The following CSK variants were observed in gnomAD, a reference collection of about 807,000 sequenced individuals.
The protein encoded by CSK is C-terminal Src kinase, also known as tyrosine-protein kinase CSK.
In CSK, 7 loss-of-function variants were observed where a neutral mutation model predicts 62.3. That is an observed-to-expected ratio of 0.11 (90% CI 0.06 to 0.21). The LOEUF is 0.21. Among genes scored for constraint, CSK ranks in the 10% least tolerant of loss-of-function variants. The pLI is 1.00. For missense variants in CSK, 294 were observed against 613.5 expected, an observed-to-expected ratio of 0.48 and a Z score of 5.50; for synonymous variants, 237 against 246.0, an observed-to-expected ratio of 0.96 and a Z score of 0.34.
chr15:74,797,194 C>T (rs752933200), intron 1 of CSK, among the ~76,000 whole-genome samples: 3 of 152,176 alleles, frequency 2.0e-5, no homozygotes, highest in Non-Finnish European at 4.4e-5. Flanking sequence ...ATCTGTCTGC[C>T]TCAGCTTCCC....
chr15:74,802,984 A>G lies in CSK; in HGVS notation c.*471A>G, dbSNP rs1006622876. The stretch of plus-strand genomic sequence containing the variant: ...TCTAGGGACCCCTCGCCCCAGCCTC[A>G]TTCCCCATTCTGTGTCCCATGTCCC... On this transcript the variant is annotated 3_prime_UTR_variant, in exon 13 of 13. Transcript: ENST00000220003. 5.5e-5 allele frequency: 9 copies of G among 164,318 alleles called. No individual in the cohort carries two copies. Among genetic ancestry groups the G allele is most frequent in the African/African-American group, 2.2e-4 (9 of 41,434 alleles). The allele number at this position is 164,318 out of a possible 1,614,324, so 10.2% of individuals were successfully genotyped here.
At chr15:74,787,517 C>T (rs2063541933) in intron 1 of CSK, among the ~76,000 whole-genome samples, 1 of 152,158 alleles carries the variant, frequency 6.6e-6, no homozygotes, top group Admixed American at 6.5e-5. Flanking sequence ...TGAGAGCTCC[C>T]CTCAGCAGGC....
intron 8 of CSK, 31 bp from the exon 9 acceptor site, chr15:74,800,981 C>T (rs1441332665): frequency 6.2e-7 from 1 of 1,612,914 alleles, no homozygotes; most frequent in East Asian, 2.2e-5. Context: ...GCACCAGCTT[C>T]CCCTTTCTGA....
chr15:74,800,351 G>C, intron 5 of CSK, 61 bp from the exon 6 acceptor site: 1 of 1,486,828 alleles, frequency 6.7e-7, no homozygotes, highest in Non-Finnish European at 9.3e-7. Flanking sequence ...GGTCAGGCCT[G>C]GACGGTGCAT....
Position 74,802,867 on chromosome 15 carries a change from A to G in CSK, c.*354A>G. On this transcript the variant is annotated 3_prime_UTR_variant, in exon 13 of 13. Coordinates refer to ENST00000220003, the MANE Select transcript of CSK (RefSeq NM_004383.3). ...TTTTATTATTTTTCAAGATAAGGAG[A>G]AAGAAAGTACCCAGCAAATGGGCAT... 1 of 219,332 alleles carries G rather than the reference A, an allele frequency of 4.6e-6. No homozygotes were observed. The highest frequency in any genetic ancestry group is 2.3e-5 in the African/African-American group (1 of 42,808). The allele number at this position is 219,332 out of a possible 1,614,324, so 13.6% of individuals were successfully genotyped here. A position where few individuals can be genotyped will look rare whatever the true frequency, so the allele number is the denominator to read the frequency against.
chr15:74,783,088 C>A (rs942771718), intron 1 of CSK, among the ~76,000 whole-genome samples: 1 of 152,200 alleles, frequency 6.6e-6, no homozygotes, highest in African/African-American at 2.4e-5. Context: ...TGTACAGGGC[C>A]TCCCCGCAGG....
At chr15:74,800,767 T>TGG in intron 7 of CSK, 21 bp downstream of exon 7, 1 of 1,584,142 alleles carries the variant, frequency 6.3e-7, no homozygotes. Context: ...CCGGGCCCCC[T>TGG]GGGGGGGTTC....
chr15:74,783,391 G>A (rs2063467585), intron 1 of CSK, among the ~76,000 whole-genome samples: 1 of 152,204 alleles, frequency 6.6e-6, no homozygotes, highest in African/African-American at 2.4e-5. Context: ...CCCAGACCAG[G>A]TGTCAGGAAG....
intron 5 of CSK, among the ~76,000 whole-genome samples, chr15:74,800,100 G>C (rs1432875063): frequency 6.6e-6 from 1 of 152,188 alleles, no homozygotes; most frequent in Non-Finnish European, 1.5e-5. Flanking sequence ...GGGGTCCTGG[G>C]CACTCCTGGC....
chr15:74,801,420 A>C (rs1279660234), intron 9 of CSK, 102 bp from the exon 10 acceptor site: 8 of 1,172,246 alleles, frequency 6.8e-6, no homozygotes, highest in Non-Finnish European at 9.7e-6. Context: ...TCCCTGTCTC[A>C]CACCTCCCTG....
In CSK at chr15:74,802,595, C is replaced by G. The variant is rs373614898; in HGVS notation, c.*82C>G. The G allele has an allele frequency of 1.5e-4, 233 of 1,531,916 alleles. No individual in the cohort carries two copies. Among genetic ancestry groups the G allele is most frequent in the Non-Finnish European group, 1.9e-4 (219 of 1,137,478 alleles). The allele number at this position is 1,531,916 out of a possible 1,614,324, so 94.9% of individuals were successfully genotyped here. A position where few individuals can be genotyped will look rare whatever the true frequency, so the allele number is the denominator to read the frequency against. On this transcript the variant is annotated 3_prime_UTR_variant, in exon 13 of 13. Coordinates refer to ENST00000220003, the MANE Select transcript of CSK (RefSeq NM_004383.3). ...ACCTGGTGCCCCTGCTCACTGGGCCCGAGCCTGAACTGAGCCCCAGCGGGC... is the reference window on the plus strand; with the variant it reads ...ACCTGGTGCCCCTGCTCACTGGGCCGGAGCCTGAACTGAGCCCCAGCGGGC...
At chr15:74,793,461 G>A (rs758893118) in intron 1 of CSK, among the ~76,000 whole-genome samples, 3 of 152,302 alleles carry the variant, frequency 2.0e-5, no homozygotes, top group Non-Finnish European at 2.9e-5. Flanking sequence ...GGGCCTGTCC[G>A]GCAGGGAGGC....
chr15:74,788,304 C>T (rs1291462072), intron 1 of CSK, among the ~76,000 whole-genome samples: 2 of 152,028 alleles, frequency 1.3e-5, no homozygotes, highest in African/African-American at 4.8e-5. Context: ...CTGGGCAGAC[C>T]TCCCCTCGGT....
At chr15:74,791,795 T>C (rs1022185084) in intron 1 of CSK, among the ~76,000 whole-genome samples, 1 of 152,226 alleles carries the variant, frequency 6.6e-6, no homozygotes, top group African/African-American at 2.4e-5. Context: ...GGAACAGCTC[T>C]GGCAGGAACG....
Position 74,802,538 on chromosome 15 carries a change from G to A in CSK, c.*25G>A. The A allele has an allele frequency of 1.2e-6, 2 of 1,607,654 alleles. No homozygotes were observed. Among genetic ancestry groups the A allele is most frequent in the South Asian group, 2.2e-5 (2 of 90,534 alleles). On this transcript the variant is annotated 3_prime_UTR_variant, in exon 13 of 13. Coordinates refer to ENST00000220003, the MANE Select transcript of CSK (RefSeq NM_004383.3). ...ACGGCTGGCCTCCGCCTGGGTCATG[G>A]GCCTGTGGGGACTGAACCTGGAAGA...
chr15:74,782,426 G>A lies in CSK; in HGVS notation c.-360G>A, dbSNP rs1270506781. On this transcript the variant is annotated 5_prime_UTR_variant, in exon 1 of 13. Transcript: ENST00000220003. This position sits in a 1 kb window ranked among gnomAD's most constrained non-coding sequence, Gnocchi z 5.7. Reference sequence around the variant, plus strand: ...GACGTTCCAAAATCGAACCTCAGTGGCGGCGCTCGGAAGCGGAACTCTGCC... The same window carrying A: ...GACGTTCCAAAATCGAACCTCAGTGACGGCGCTCGGAAGCGGAACTCTGCC... The A allele has an allele frequency of 2.0e-5, 3 of 151,646 alleles. No homozygotes were observed. Among genetic ancestry groups the A allele is most frequent in the Non-Finnish European group, 3.0e-5 (2 of 67,730 alleles). 9.4% of individuals were successfully genotyped at this position (151,646 alleles called of 1,614,324 possible). A position where few individuals can be genotyped will look rare whatever the true frequency, so the allele number is the denominator to read the frequency against.
Position 74,802,856 on chromosome 15 carries a change from A to G in CSK, c.*343A>G. 4.4e-6 allele frequency: 1 copy of G among 228,696 alleles called. No homozygotes were observed. The highest frequency in any genetic ancestry group is 8.5e-6 in the Non-Finnish European group (1 of 117,754). The allele number at this position is 228,696 out of a possible 1,614,324, so 14.2% of individuals were successfully genotyped here. A position where few individuals can be genotyped will look rare whatever the true frequency, so the allele number is the denominator to read the frequency against. ...GTGTGTTTATTTTTTATTATTTTTC[A>G]AGATAAGGAGAAAGAAAGTACCCAG... On this transcript the variant is annotated 3_prime_UTR_variant, in exon 13 of 13. Coordinates refer to ENST00000220003, the MANE Select transcript of CSK (RefSeq NM_004383.3).
chr15:74,792,351 G>A (rs1035361900), intron 1 of CSK, among the ~76,000 whole-genome samples: 3 of 152,122 alleles, frequency 2.0e-5, no homozygotes, highest in African/African-American at 7.2e-5. Flanking sequence ...AGGCGGGGAG[G>A]GAGACAGGGC....
intron 1 of CSK, among the ~76,000 whole-genome samples, chr15:74,792,852 G>A (rs866331452): frequency 1.3e-5 from 2 of 152,240 alleles, no homozygotes; most frequent in African/African-American, 4.8e-5. Context: ...GGAAGTCAGC[G>A]TGAAGCACTG....
Sources: gnomAD v4.1 joint callset for allele counts (sites outside exome capture counted in the v4.1 genomes callset) on GRCh38, gnomAD v4.1.1 for gene constraint, Gnocchi (gnomAD v3.1) non-coding constraint, MANE v1.5 for transcripts, NCBI Gene and HGNC (gene_info 2026-07-23, HGNC 2026-07-21) for gene names.